DYRK4: variants seen among roughly 807,000 people sequenced by gnomAD.
DYRK4 encodes the protein dual specificity tyrosine phosphorylation regulated kinase 4.
DYRK4 carries 64 observed loss-of-function variants against 68.3 expected under a neutral mutation model. The ratio of observed to expected loss-of-function variants is 0.94; its 90% confidence interval spans 0.77 to 1.15. The LOEUF is 1.15. Among genes scored for constraint, DYRK4 ranks in the 50% most tolerant of loss-of-function variants. The pLI is 0.00. For missense variants in DYRK4, 740 were observed against 764.7 expected, an observed-to-expected ratio of 0.97 and a Z score of 0.38; for synonymous variants, 274 against 289.9, an observed-to-expected ratio of 0.95 and a Z score of 0.56.
At chr12:4,580,280 C>T (rs902174942) in intron 2 of DYRK4, among the ~76,000 whole-genome samples, 2 of 152,166 alleles carry the variant, frequency 1.3e-5, no homozygotes, top group African/African-American at 2.4e-5. Flanking sequence ...ACTACATCAA[C>T]GAGATGAAAA....
At chr12:4,576,484 A>C (rs1944790781) in intron 2 of DYRK4, among the ~76,000 whole-genome samples, 1 of 152,210 alleles carries the variant, frequency 6.6e-6, no homozygotes, top group African/African-American at 2.4e-5. Flanking sequence ...ATTCATGTGC[A>C]GGTTTTTATG....
intron 6 of DYRK4, among the ~76,000 whole-genome samples, chr12:4,594,419 A>G (rs1433280494): frequency 2.0e-5 from 3 of 151,986 alleles, no homozygotes; most frequent in Non-Finnish European, 4.4e-5. Flanking sequence ...AGGCAGGGTT[A>G]AACCGTGTTG....
At chr12:4,597,284 C>A in intron 8 of DYRK4, 1 of 371,420 alleles carries the variant, frequency 2.7e-6, no homozygotes, top group Non-Finnish European at 3.7e-6. Flanking sequence ...CTGGGAAGAC[C>A]ATCTGATGCA....
intron 11 of DYRK4, among the ~76,000 whole-genome samples, chr12:4,607,083 G>A (rs572528827): frequency 6.6e-6 from 1 of 152,334 alleles, no homozygotes; most frequent in South Asian, 2.1e-4. Context: ...CCCACCCCTA[G>A]TTGGTGCTGA....
At chr12:4,597,178 T>C (rs1945028239) in intron 8 of DYRK4, 13 of 1,011,244 alleles carry the variant, frequency 1.3e-5, no homozygotes, top group Non-Finnish European at 1.5e-5. Flanking sequence ...AGAGCAGATA[T>C]TTTTGGTAAG....
chr12:4,587,910 T>C (rs1274471560), intron 2 of DYRK4, among the ~76,000 whole-genome samples: 3 of 152,250 alleles, frequency 2.0e-5, no homozygotes, highest in Non-Finnish European at 4.4e-5. Context: ...AGGGGAGGTC[T>C]GGAAGAAGGA....
intron 2 of DYRK4, among the ~76,000 whole-genome samples, chr12:4,585,178 G>A (rs1944883704): frequency 6.6e-6 from 1 of 152,184 alleles, no homozygotes; most frequent in African/African-American, 2.4e-5. Context: ...GGGCCTACGT[G>A]TGAATCTTAG....
intron 8 of DYRK4, among the ~76,000 whole-genome samples, chr12:4,598,509 G>A (rs1176968672): frequency 1.3e-5 from 2 of 152,196 alleles, no homozygotes; most frequent in Non-Finnish European, 2.9e-5. Context: ...TGGCAAAAGC[G>A]AGCTTTCATT....
At chr12:4,603,182 C>A in intron 10 of DYRK4, 1 of 1,258,278 alleles carries the variant, frequency 7.9e-7, no homozygotes, top group African/African-American at 1.5e-5. Context: ...GAAGTCATTT[C>A]TTCTTGGTGA....
intron 12 of DYRK4, among the ~76,000 whole-genome samples, chr12:4,608,724 T>C (rs1945183093): frequency 6.6e-6 from 1 of 152,212 alleles, no homozygotes; most frequent in Non-Finnish European, 1.5e-5. Flanking sequence ...TTCTGATTAG[T>C]TGGTTCCATG....
At chr12:4,603,465 C>A in intron 10 of DYRK4, 1 of 304,390 alleles carries the variant, frequency 3.3e-6, no homozygotes. Context: ...CACCGTCCTT[C>A]CCTTCTCTCC....
chr12:4,587,772 A>G (rs1241764619), intron 2 of DYRK4, among the ~76,000 whole-genome samples: 1 of 152,224 alleles, frequency 6.6e-6, no homozygotes. Context: ...TGTGCTGTGC[A>G]GGACTTAGCT....
intron 10 of DYRK4, chr12:4,602,301 C>CT: frequency 1.0e-6 from 1 of 956,864 alleles, no homozygotes; most frequent in Non-Finnish European, 1.7e-6. Context: ...CATTCTCCCT[C>CT]TTTTTTTCTT....
intron 7 of DYRK4, 48 bp downstream of exon 7, chr12:4,596,333 G>A (rs1945017949): frequency 1.9e-6 from 3 of 1,610,044 alleles, no homozygotes; most frequent in African/African-American, 2.7e-5. Flanking sequence ...CTGCGTGACT[G>A]TGGCCCCTGC....
chr12:4,569,590 C>T (rs566468695), intron 2 of DYRK4, among the ~76,000 whole-genome samples: 168 of 152,086 alleles, frequency 1.1e-3, no homozygotes, highest in Middle Eastern at 3.4e-3. Flanking sequence ...GAGTGGAGGA[C>T]GGAATTCAAA....
At chr12:4,597,064 T>C in intron 8 of DYRK4, 1 of 1,136,078 alleles carries the variant, frequency 8.8e-7, no homozygotes, top group Non-Finnish European at 1.1e-6. Context: ...TTTTCCCCAC[T>C]CATTGGCTTT....
At chr12:4,588,432 T>G (rs557093625) in intron 2 of DYRK4, among the ~76,000 whole-genome samples, 1 of 152,202 alleles carries the variant, frequency 6.6e-6, no homozygotes, top group Non-Finnish European at 1.5e-5. Context: ...TGCTCTAGTA[T>G]TTTGGTCTTC....
Position 4,591,456 on chromosome 12 carries a change from G to A in DYRK4, c.463+158G>A. The stretch of plus-strand genomic sequence containing the variant: ...AGTAGAAGTTAAGCGTTGAACCTCT[G>A]ACTGTGGTAGTATAAGCAAGAGGCT... On this transcript the variant is annotated intron_variant, in intron 5 of 14. Transcript: ENST00000543431. This position sits in a 1 kb window ranked among gnomAD's most constrained non-coding sequence, Gnocchi z 4.1. 1 of 1,044,126 alleles carries A rather than the reference G, an allele frequency of 9.6e-7. No homozygotes were observed. The highest frequency in any genetic ancestry group is 1.4e-6 in the Non-Finnish European group (1 of 740,498). The allele number at this position is 1,044,126 out of a possible 1,614,324, so 64.7% of individuals were successfully genotyped here. A position where few individuals can be genotyped will look rare whatever the true frequency, so the allele number is the denominator to read the frequency against.
At chr12:4,584,839 G>A (rs1944879096) in intron 2 of DYRK4, among the ~76,000 whole-genome samples, 1 of 152,276 alleles carries the variant, frequency 6.6e-6, no homozygotes, top group South Asian at 2.1e-4. Context: ...ACAGGCGTGA[G>A]CCACCGCGCC....
Sources: gnomAD v4.1 joint callset for allele counts (sites outside exome capture counted in the v4.1 genomes callset) on GRCh38, gnomAD v4.1.1 for gene constraint, Gnocchi (gnomAD v3.1) non-coding constraint, MANE v1.5 for transcripts, NCBI Gene and HGNC (gene_info 2026-07-23, HGNC 2026-07-21) for gene names.